Variants in PTPRD observed in about 807,000 individuals in gnomAD.
PTPRD encodes the protein receptor-type tyrosine-protein phosphatase delta.
A neutral mutation model predicts 214.5 loss-of-function variants in PTPRD; 34 were observed. That is an observed-to-expected ratio of 0.16 (90% CI 0.12 to 0.21). The LOEUF is 0.21. Among genes scored for constraint, PTPRD ranks in the 10% least tolerant of loss-of-function variants. PTPRD has a pLI of 1.00. For synonymous variants in PTPRD, 1,128 were observed against 845.7 expected (o/e 1.33, Z -5.79); for missense variants, 2,545 against 2,398.7 (o/e 1.06, Z -1.27).
intron 4 of PTPRD, among the ~76,000 whole-genome samples, chr9:10,024,513 C>T (rs943958888): frequency 3.3e-5 from 5 of 152,110 alleles, no homozygotes; most frequent in African/African-American, 4.8e-5. Context: ...TTATATTCAG[C>T]ACTGTAGTCA....
intron 3 of PTPRD, among the ~76,000 whole-genome samples, chr9:10,277,992 C>A (rs1215169781): frequency 6.6e-6 from 1 of 151,988 alleles, no homozygotes; most frequent in Non-Finnish European, 1.5e-5. Context: ...AACCCTGTCT[C>A]TACTAAAAAT....
intron 3 of PTPRD, among the ~76,000 whole-genome samples, chr9:10,271,152 A>T (rs2094396677): frequency 6.6e-6 from 1 of 152,132 alleles, no homozygotes; most frequent in South Asian, 2.1e-4. Context: ...AGATAATACT[A>T]AGTGTAGAGA....
intron 11 of PTPRD, among the ~76,000 whole-genome samples, chr9:8,978,916 T>A (rs1018337441): frequency 2.0e-5 from 3 of 152,096 alleles, no homozygotes; most frequent in Admixed American, 2.0e-4. Flanking sequence ...GCACATGTAG[T>A]TATTTAGAGT....
At chr9:10,126,336 G>GT (rs2098819016) in intron 3 of PTPRD, among the ~76,000 whole-genome samples, 1 of 150,990 alleles carries the variant, frequency 6.6e-6, no homozygotes, top group Non-Finnish European at 1.5e-5. Flanking sequence ...CATCATACTT[G>GT]TTTTAATTTT....
chr9:8,544,589 C>T (rs1268155454), intron 14 of PTPRD, among the ~76,000 whole-genome samples: 1 of 150,954 alleles, frequency 6.6e-6, no homozygotes, highest in Non-Finnish European at 1.5e-5. Flanking sequence ...CTTGCCTCAG[C>T]CTCCCGAATA....
intron 11 of PTPRD, among the ~76,000 whole-genome samples, chr9:9,017,420 C>A (rs2099540615): frequency 6.6e-6 from 1 of 152,132 alleles, no homozygotes; most frequent in South Asian, 2.1e-4. Flanking sequence ...AGGATAACTA[C>A]AGGGTAATTC....
chr9:9,792,240 G>A (rs992877236), intron 5 of PTPRD, among the ~76,000 whole-genome samples: 2 of 151,732 alleles, frequency 1.3e-5, no homozygotes, highest in Non-Finnish European at 2.9e-5. Context: ...GTTAATATTA[G>A]TACTGCATGT....
chr9:9,321,918 G>C (rs933381133), intron 9 of PTPRD, among the ~76,000 whole-genome samples: 1 of 152,056 alleles, frequency 6.6e-6, no homozygotes, highest in Non-Finnish European at 1.5e-5. Context: ...TTTTGATTGA[G>C]GTACTTTATC....
chr9:8,558,708 T>C (rs559982581), intron 14 of PTPRD, among the ~76,000 whole-genome samples: 1 of 152,322 alleles, frequency 6.6e-6, no homozygotes, highest in African/African-American at 2.4e-5. Flanking sequence ...TCAGTTGTCA[T>C]CACTATCCAT....
chr9:8,782,206 C>T (rs916480491), intron 11 of PTPRD, among the ~76,000 whole-genome samples: 4 of 151,624 alleles, frequency 2.6e-5, no homozygotes, highest in African/African-American at 9.7e-5. Context: ...ACAAAATATA[C>T]ATGTATATAT....
At chr9:8,977,542 A>ATCTTGTCATAC (rs2099274747) in intron 11 of PTPRD, among the ~76,000 whole-genome samples, 1 of 151,902 alleles carries the variant, frequency 6.6e-6, no homozygotes, top group African/African-American at 2.4e-5. Flanking sequence ...CTTTCATTCT[A>ATCTTGTCATAC]TCTTGTCATA....
chr9:8,714,461 C>T (rs553254486), intron 12 of PTPRD, among the ~76,000 whole-genome samples: 1 of 152,266 alleles, frequency 6.6e-6, no homozygotes, highest in South Asian at 2.1e-4. Context: ...CTCCTAAATA[C>T]TCCTGTTGCT....
intron 3 of PTPRD, among the ~76,000 whole-genome samples, chr9:10,147,637 T>C (rs1414691231): frequency 6.6e-6 from 1 of 152,158 alleles, no homozygotes; most frequent in Non-Finnish European, 1.5e-5. Context: ...CCCAGCACTT[T>C]AGGATGCCAA....
intron 14 of PTPRD, among the ~76,000 whole-genome samples, chr9:8,621,640 AT>A (rs1232006214): frequency 1.3e-5 from 2 of 151,912 alleles, no homozygotes; most frequent in African/African-American, 4.8e-5. Flanking sequence ...AGGGAATTCC[AT>A]TTGCTATTGA....
intron 10 of PTPRD, among the ~76,000 whole-genome samples, chr9:9,104,947 G>T (rs1398267125): frequency 6.6e-6 from 1 of 152,156 alleles, no homozygotes; most frequent in East Asian, 1.9e-4. Context: ...CCACAAAAGA[G>T]AACGGATGCT....
chr9:10,450,871 T>G (rs1229837706), intron 2 of PTPRD, among the ~76,000 whole-genome samples: 1 of 151,918 alleles, frequency 6.6e-6, no homozygotes, highest in Non-Finnish European at 1.5e-5. Flanking sequence ...GGAAAGAAAA[T>G]AAACAGGTTA....
At chr9:9,256,093 C>G (rs1427346874) in intron 9 of PTPRD, among the ~76,000 whole-genome samples, 10 of 151,854 alleles carry the variant, frequency 6.6e-5, no homozygotes, top group African/African-American at 2.2e-4. Flanking sequence ...TCAGTGTTAA[C>G]AATAAGAAAA....
intron 2 of PTPRD, among the ~76,000 whole-genome samples, chr9:10,438,479 G>C (rs1444679655): frequency 6.6e-6 from 1 of 151,698 alleles, no homozygotes; most frequent in African/African-American, 2.4e-5. Context: ...ATCAGAGATA[G>C]ACTTCAACTT....
At chr9:10,334,621 G>A (rs989506432) in intron 3 of PTPRD, among the ~76,000 whole-genome samples, 4 of 151,308 alleles carry the variant, frequency 2.6e-5, no homozygotes, top group South Asian at 2.1e-4. Flanking sequence ...AAATAAAACC[G>A]TCTTTGCTTG....
Sources: gnomAD v4.1 joint callset for allele counts (sites outside exome capture counted in the v4.1 genomes callset) on GRCh38, gnomAD v4.1.1 for gene constraint, MANE v1.5 for transcripts, NCBI Gene and HGNC (gene_info 2026-07-23, HGNC 2026-07-21) for gene names.